The following NPSR1 variants were observed in gnomAD, a reference collection of about 807,000 sequenced individuals.
The protein encoded by NPSR1 is neuropeptide S receptor.
Under a neutral mutation model 46.9 loss-of-function variants are expected in NPSR1, and 48 were observed. The ratio of observed to expected loss-of-function variants is 1.02; its 90% CI spans 0.81 to 1.30. NPSR1 has a LOEUF of 1.30. Ranked by LOEUF, NPSR1 falls within the 50% of genes most tolerant of loss-of-function variation. The probability of loss-of-function intolerance (pLI) is 0.00; values close to 1 mark genes in which losing one functional copy is unlikely to be tolerated. For missense variants in NPSR1, 450 were observed against 449.5 expected (o/e 1.00, Z -0.01); for synonymous variants, 176 against 168.1 (o/e 1.05, Z -0.36).
At chr7:34,682,509 C>T (rs1235182487) in intron 1 of NPSR1, among the ~76,000 whole-genome samples, 1 of 152,148 alleles carries the variant, frequency 6.6e-6, no homozygotes, top group Non-Finnish European at 1.5e-5. Flanking sequence ...TGGAGACTTC[C>T]AAGCCACCTG....
At chr7:34,679,734 C>T (rs1792518361) in intron 1 of NPSR1, among the ~76,000 whole-genome samples, 1 of 151,098 alleles carries the variant, frequency 6.6e-6, no homozygotes, top group Admixed American at 6.6e-5. Context: ...AAATCACAAG[C>T]CAAATAAAAA....
intron 8 of NPSR1, chr7:34,871,714 C>A (rs1791456986): frequency 6.6e-6 from 1 of 151,892 alleles, no homozygotes; most frequent in Admixed American, 6.5e-5. Context: ...AGTCTAAAAC[C>A]AAGAAGGACA....
At chr7:34,751,302 G>T in intron 2 of NPSR1, 1 of 972,412 alleles carries the variant, frequency 1.0e-6, no homozygotes, top group Non-Finnish European at 1.7e-6. Flanking sequence ...GCTGGGAGTT[G>T]CAGAAAGTGG....
intron 2 of NPSR1, among the ~76,000 whole-genome samples, chr7:34,739,377 C>T (rs1784829280): frequency 1.3e-5 from 2 of 152,208 alleles, no homozygotes; most frequent in Admixed American, 1.3e-4. Flanking sequence ...AGAGTTCTAA[C>T]ATCTCTACAT....
chr7:34,726,260 T>G (rs1276335513), intron 2 of NPSR1, among the ~76,000 whole-genome samples: 1 of 152,180 alleles, frequency 6.6e-6, no homozygotes, highest in East Asian at 1.9e-4. Flanking sequence ...TATGAAAAGA[T>G]GCTCCACATC....
intron 8 of NPSR1, among the ~76,000 whole-genome samples, chr7:34,857,096 G>A (rs576281883): frequency 6.6e-6 from 1 of 151,822 alleles, no homozygotes; most frequent in East Asian, 1.9e-4. Flanking sequence ...AATCTCTATG[G>A]AGAAATTATA....
chr7:34,835,058 T>C (rs1393086301), intron 6 of NPSR1, among the ~76,000 whole-genome samples: 1 of 152,218 alleles, frequency 6.6e-6, no homozygotes, highest in African/African-American at 2.4e-5. Flanking sequence ...CTCTGAGCCC[T>C]GGAAGCCTAC....
chr7:34,751,145 C>A (rs146860458), intron 2 of NPSR1: 9 of 912,092 alleles, frequency 9.9e-6, no homozygotes, highest in Middle Eastern at 4.3e-4. Flanking sequence ...ACTGGCTGAG[C>A]AGGGTCCTGA....
intron 3 of NPSR1, among the ~76,000 whole-genome samples, chr7:34,790,703 CTATGTTATATATAATA>C (rs1787708045): frequency 1.1e-5 from 1 of 89,370 alleles, no homozygotes; most frequent in Admixed American, 1.2e-4. Context: ...AATATATGTT[CTATGTTATATATAATA>C]TATGTTATAT....
At position 34,751,734 on chromosome 7, in the gene NPSR1, A is replaced by G. The variant is rs1785546491; in HGVS notation, c.281-26728A>G. On this transcript the variant is annotated intron_variant, in intron 2 of 8. Coordinates refer to ENST00000360581, the MANE Select transcript of NPSR1 (RefSeq NM_207172.2). ...TGGGAGACTCCTTCGGGTCCCCCTG[A>G]CTGGTTCTCTTCTCTTCTAGCTTCT... 2.5e-6 allele frequency: 4 copies of G among 1,585,148 alleles called. No homozygotes were observed. In the Admixed American group the frequency reaches 6.7e-5, roughly 26 times the overall value.
intron 6 of NPSR1, among the ~76,000 whole-genome samples, 183 bp from the exon 7 acceptor site, chr7:34,844,713 C>A (rs1790685474): frequency 6.6e-6 from 1 of 152,210 alleles, no homozygotes; most frequent in Non-Finnish European, 1.5e-5. Context: ...GTAAACTGAG[C>A]ATTCTCCAGA....
chr7:34,820,878 G>A (rs1789520091), intron 4 of NPSR1, among the ~76,000 whole-genome samples: 1 of 152,070 alleles, frequency 6.6e-6, no homozygotes, highest in African/African-American at 2.4e-5. Context: ...TATTTGCAGG[G>A]GAAACTTTTA....
chr7:34,840,147 AGGGAATG>A (rs1201351507), intron 6 of NPSR1, among the ~76,000 whole-genome samples: 47 of 152,266 alleles, frequency 3.1e-4, no homozygotes, highest in Non-Finnish European at 5.6e-4. Context: ...ACCTCCTGAA[AGGGAATG>A]CAAAATACTT....
chr7:34,769,455 C>T (rs1271107476), intron 2 of NPSR1, among the ~76,000 whole-genome samples: 2 of 152,196 alleles, frequency 1.3e-5, no homozygotes, highest in African/African-American at 4.8e-5. Flanking sequence ...AATACATCCT[C>T]TTTTAATTGG....
chr7:34,838,435 A>G (rs761852505), intron 6 of NPSR1, among the ~76,000 whole-genome samples: 1 of 152,166 alleles, frequency 6.6e-6, no homozygotes, highest in Admixed American at 6.5e-5. Context: ...AGAAGCTTAT[A>G]TGCTCTCTAT....
intron 1 of NPSR1, among the ~76,000 whole-genome samples, chr7:34,669,578 A>C (rs540316653): frequency 1.3e-5 from 2 of 152,102 alleles, no homozygotes; most frequent in African/African-American, 4.8e-5. Flanking sequence ...CAAAAAAAAA[A>C]AAAGAAAGAA....
intron 2 of NPSR1, among the ~76,000 whole-genome samples, chr7:34,735,903 G>A (rs324391): frequency 0.34 from 51,617 of 151,870 alleles, 9,005 homozygotes; most frequent in East Asian, 0.44. Flanking sequence ...AATTGTAATA[G>A]TATAAAAAAA....
chr7:34,850,005 T>G, downstream of NPSR1: 1 of 1,035,494 alleles, frequency 9.7e-7, no homozygotes, highest in Non-Finnish European at 1.2e-6. Context: ...CAAAGGTAGC[T>G]GGGTTATACA....
chr7:34,741,992 T>G (rs532505571), intron 2 of NPSR1, among the ~76,000 whole-genome samples: 1 of 152,374 alleles, frequency 6.6e-6, no homozygotes, highest in African/African-American at 2.4e-5. Flanking sequence ...TTCCCTACTC[T>G]GCCATTGTTG....
Sources: allele counts gnomAD v4.1 joint callset (sites outside exome capture counted in the v4.1 genomes callset), GRCh38; gene constraint gnomAD v4.1.1; transcripts MANE v1.5; gene names NCBI Gene and HGNC (gene_info 2026-07-23, HGNC 2026-07-21).